The following HERC2 variants were observed in gnomAD, a reference collection of about 807,000 sequenced individuals.
HERC2 encodes the protein E3 ubiquitin-protein ligase HERC2.
HERC2 carries 102 observed loss-of-function variants against 537.7 expected under a neutral mutation model. The observed-to-expected ratio is 0.19, with a 90% CI of 0.16 to 0.22. The LOEUF (loss-of-function observed/expected upper bound fraction) is 0.22, where lower values mean the gene tolerates loss of function less well. Among genes scored for constraint, HERC2 ranks in the 10% least tolerant of loss-of-function variants. The pLI is 1.00. For synonymous variants in HERC2, 2,224 were observed against 2,466.2 expected, an observed-to-expected ratio of 0.90 and a Z score of 2.91; for missense variants, 4,236 against 6,198.2, an observed-to-expected ratio of 0.68 and a Z score of 10.63.
intron 4 of HERC2, among the ~76,000 whole-genome samples, chr15:28,281,417 T>C (rs1453096582): frequency 6.6e-6 from 1 of 152,190 alleles, no homozygotes. Context: ...TCTCTGCTGC[T>C]TACTAGCCTG....
At chr15:28,252,259 T>TTGCAGGTCAAACAGCACAGC (rs1567073289) in intron 20 of HERC2, among the ~76,000 whole-genome samples, 1 of 151,964 alleles carries the variant, frequency 6.6e-6, no homozygotes, top group Non-Finnish European at 1.5e-5. Context: ...AACAGCATAG[T>TTGCAGGTCAAACAGCACAGC]TGCAGGTCAA....
intron 22 of HERC2, 64 bp downstream of exon 22, chr15:28,246,678 A>C (rs780475346): frequency 3.1e-5 from 43 of 1,370,974 alleles, no homozygotes; most frequent in Non-Finnish European, 3.9e-5. Context: ...TCAGCAAAGA[A>C]GACACTTTAG....
In HERC2 at chr15:28,274,463, C is replaced by T. The variant is rs371360766; in HGVS notation, c.644-16G>A. The stretch of plus-strand genomic sequence containing the variant: ...GCATCCTCGCCTGGGCGCACACACG[C>T]GTCAGAGGAGCCCCCCCACTCCCCT... On this transcript the variant is annotated splice_polypyrimidine_tract_variant and intron_variant, in intron 6 of 92. Transcript: ENST00000261609. The T allele has an allele frequency of 3.7e-5, 59 of 1,593,126 alleles. No homozygotes were observed. The African/African-American group carries it at 4.7e-4, about 13-fold the overall frequency.
chr15:28,292,521 C>A (rs34034266), intron 4 of HERC2, among the ~76,000 whole-genome samples: 21 of 152,202 alleles, frequency 1.4e-4, no homozygotes, highest in Admixed American at 1.1e-3. Context: ...CTTCCTCAAA[C>A]AGTTACACGT....
chr15:28,319,434 A>G (rs1212841951), intron 2 of HERC2, among the ~76,000 whole-genome samples: 1 of 151,552 alleles, frequency 6.6e-6, no homozygotes. Context: ...TACAAAAATT[A>G]GTCGGGCATG....
At chr15:28,222,760 T>G (rs1218819000) in intron 35 of HERC2, among the ~76,000 whole-genome samples, 8 of 152,100 alleles carry the variant, frequency 5.3e-5, no homozygotes, top group Non-Finnish European at 5.9e-5. Flanking sequence ...ACAAACAATG[T>G]GGTCTGTGCT....
chr15:28,189,587 A>G (rs565167372), intron 55 of HERC2, among the ~76,000 whole-genome samples: 3 of 152,232 alleles, frequency 2.0e-5, no homozygotes, highest in Non-Finnish European at 4.4e-5. Context: ...GTATTATGAA[A>G]TAGTTCCATG....
At chr15:28,198,243 T>C in intron 50 of HERC2, 135 bp downstream of exon 50, 3 of 1,020,120 alleles carry the variant, frequency 2.9e-6, no homozygotes, top group Non-Finnish European at 4.4e-6. Flanking sequence ...CAGAAGGCAC[T>C]GACAAGCAAA....
chr15:28,142,981 G>T (rs760546972), intron 74 of HERC2, 29 bp from the exon 75 acceptor site: 2 of 1,604,378 alleles, frequency 1.2e-6, no homozygotes, highest in South Asian at 2.2e-5. Flanking sequence ...GTATTCTATC[G>T]CAGGAATCCA....
intron 23 of HERC2, 134 bp downstream of exon 23, chr15:28,245,747 T>C (rs537824299): frequency 3.7e-6 from 3 of 811,004 alleles, no homozygotes; most frequent in South Asian, 1.6e-5. Flanking sequence ...ATTATCTCCA[T>C]TTTTTACTTA....
intron 80 of HERC2, 93 bp downstream of exon 80, chr15:28,132,560 C>T: frequency 8.2e-7 from 1 of 1,217,950 alleles, no homozygotes; most frequent in South Asian, 2.5e-5. Flanking sequence ...GAAGCCAAAG[C>T]ATTTTTCATA....
rs1267084960 is a variant in HERC2 at position 28,111,876 on chromosome 15, G to A, written c.14392C>T (p.Arg4798Cys). 4.3e-6 allele frequency: 7 copies of A among 1,614,212 alleles called. No individual in the cohort carries two copies. The highest frequency in any genetic ancestry group is 4.2e-6 in the Non-Finnish European group (5 of 1,180,042). Residue 4798 changes from arginine (R) to cysteine (C), a missense_variant, in exon 93 of 93, where the codon CGC becomes TGC. Around this residue, in one of 27 missense-constraint regions of HERC2, gnomAD observed 313 missense variants for 462.6 expected, o/e 0.68. Transcript: ENST00000261609. ...GCTGGCTCTCCTGTAAGTGCGATGC[G>A]AGCGTAGTCATCTGTGTCTATGGAC... ...CKSIDTDDYA[R>C]IALTGEPAAD...
At chr15:28,179,273 G>A (rs772835325) in intron 57 of HERC2, 50 bp from the exon 58 acceptor site, 1 of 1,369,894 alleles carries the variant, frequency 7.3e-7, no homozygotes. Context: ...AATTTTACTT[G>A]CATGTTTAAA....
chr15:28,284,810 G>A (rs2076110476), intron 4 of HERC2, among the ~76,000 whole-genome samples: 1 of 150,736 alleles, frequency 6.6e-6, no homozygotes, highest in Non-Finnish European at 1.5e-5. Flanking sequence ...AGCTACTCAG[G>A]AGGCTGAGGC....
rs1900411240 is a variant in HERC2, at chr15:28,220,508, T to G, written c.5789A>C (p.Glu1930Ala). 4 of 1,603,608 alleles carry G rather than the reference T, an allele frequency of 2.5e-6. No homozygotes were observed. Among genetic ancestry groups the G allele is most frequent in the Non-Finnish European group, 3.4e-6 (4 of 1,179,784 alleles). The change falls in exon 37 of 93, where the codon GAG (glutamate) becomes GCG (alanine). Residue 1930 changes from glutamate to alanine, a missense_variant. This residue lies in a region of HERC2 where 365 missense variants were observed against 468.8 expected (regional missense o/e 0.78). Coordinates refer to ENST00000261609, the MANE Select transcript of HERC2 (RefSeq NM_004667.6). ...TGAGGGCTGTGCAGCAGCCGGCAGCTCTGCCAGCTTGAGGTCGTATTTTCC... is the reference window on the plus strand; with the variant it reads ...TGAGGGCTGTGCAGCAGCCGGCAGCGCTGCCAGCTTGAGGTCGTATTTTCC... The part of the protein sequence containing the change: ...KEGKYDLKLA[E>A]LPAAAQPSAE...
At chr15:28,192,951 T>G (rs1431185456) in intron 52 of HERC2, among the ~76,000 whole-genome samples, 1 of 151,700 alleles carries the variant, frequency 6.6e-6, no homozygotes, top group East Asian at 1.9e-4. Flanking sequence ...TCCAACAGAT[T>G]GCAACTCAGC....
At chr15:28,153,405 G>A (rs185413863) in intron 69 of HERC2, among the ~76,000 whole-genome samples, 1 of 152,100 alleles carries the variant, frequency 6.6e-6, no homozygotes, top group African/African-American at 2.4e-5. Context: ...TGTAATACAA[G>A]CACTTTGGGA....
intron 17 of HERC2, 122 bp from the exon 18 acceptor site, chr15:28,256,439 T>C (rs557058706): frequency 7.6e-6 from 6 of 793,930 alleles, no homozygotes; most frequent in African/African-American, 5.2e-5. Context: ...TCTCAGTTTA[T>C]GTATTTTTAA....
At chr15:28,215,147 G>A (rs1899754511) in intron 39 of HERC2, among the ~76,000 whole-genome samples, 2 of 152,062 alleles carry the variant, frequency 1.3e-5, no homozygotes, top group Admixed American at 6.5e-5. Flanking sequence ...AAAGTGCTGG[G>A]ATTACAGGCA....
Sources: gnomAD v4.1 joint callset for allele counts (sites outside exome capture counted in the v4.1 genomes callset) on GRCh38, gnomAD v4.1.1 for gene constraint, gnomAD v4.1.1 regional missense constraint, MANE v1.5 for transcripts, NCBI Gene and HGNC (gene_info 2026-07-23, HGNC 2026-07-21) for gene names.